LYPD5: variants seen among roughly 807,000 people sequenced by gnomAD.
LYPD5 encodes LY6/PLAUR domain containing 5.
A neutral mutation model predicts 19.1 loss-of-function variants in LYPD5; 21 were observed. The observed-to-expected ratio is 1.10, with a 90% CI of 0.78 to 1.58. LYPD5 has a LOEUF of 1.58. LYPD5 is among the 40% of genes most tolerant of loss of function. LYPD5 has a pLI of 0.00. For missense variants in LYPD5, 287 were observed against 329.8 expected (o/e 0.87, Z 1.00); for synonymous variants, 128 against 142.7 (o/e 0.90, Z 0.74).
At chr19:43,803,279 C>G (rs902808414), upstream of LYPD5, among the ~76,000 whole-genome samples, 2 of 152,154 alleles carry the variant, frequency 1.3e-5, no homozygotes, top group African/African-American at 4.8e-5. Flanking sequence ...AGCAGACAAC[C>G]AGAGGGTCAC....
At chr19:43,798,006 GTC>G (rs1970157149) in intron 4 of LYPD5, among the ~76,000 whole-genome samples, 177 bp from the exon 5 acceptor site, 4 of 151,708 alleles carry the variant, frequency 2.6e-5, no homozygotes, top group Admixed American at 1.3e-4. Context: ...TCAGAACAGG[GTC>G]GTGCCTCCTC....
At position 43,798,635 on chromosome 19, in the gene LYPD5, T is replaced by A. The variant is rs1251907775; in HGVS notation, c.371-34A>T. 4 of 1,609,364 alleles carry A rather than the reference T, an allele frequency of 2.5e-6. No homozygotes were observed. In the African/African-American group the frequency reaches 5.4e-5, roughly 22 times the overall value. The stretch of plus-strand genomic sequence containing the variant: ...AGAGCGTAGATGCACACTCAGGCAG[T>A]GGTACCCTGGCACAGTCGTGCGGGC... On this transcript the variant is annotated intron_variant, in intron 3 of 4. Transcript: ENST00000377950.
At chr19:43,818,774 C>T (rs1241139106) in intron 1 of LYPD5, among the ~76,000 whole-genome samples, 1 of 152,220 alleles carries the variant, frequency 6.6e-6, no homozygotes, top group Non-Finnish European at 1.5e-5. Flanking sequence ...TGAAGTGACA[C>T]ATAAGATGTG....
At position 43,815,760 on chromosome 19, in the gene LYPD5, C is replaced by T. The variant is rs574801622; in HGVS notation, c.-66+4780G>A. 1.1e-3 allele frequency: 471 copies of T among 417,108 alleles called. 3 individuals carry two copies. The highest frequency in any genetic ancestry group is 2.1e-3 in the African/African-American group (98 of 47,338). The allele number at this position is 417,108 out of a possible 1,614,324, so 25.8% of individuals were successfully genotyped here. ...ATTTTATTTTATTTTATTTTTGAGA[C>T]GGAGTTTCACTTTGTCACCCTGGCT... On this transcript the variant is annotated intron_variant, in intron 1 of 4. Coordinates refer to the LYPD5 transcript ENST00000414615.
chr19:43,802,506 A>C, upstream of LYPD5: 51 of 641,964 alleles, frequency 7.9e-5, no homozygotes, highest in East Asian at 1.6e-4. Context: ...CACCCTCCCT[A>C]TGTGGGCGGG....
chr19:43,806,216 G>A (rs1013979356), upstream of LYPD5, among the ~76,000 whole-genome samples: 2 of 152,206 alleles, frequency 1.3e-5, no homozygotes, highest in Non-Finnish European at 2.9e-5. Flanking sequence ...TCTCCTGTCA[G>A]ATCAGTGGCT....
At chr19:43,809,794 T>C (rs751443640) in intron 1 of LYPD5, among the ~76,000 whole-genome samples, 5 of 152,242 alleles carry the variant, frequency 3.3e-5, no homozygotes, top group Non-Finnish European at 5.9e-5. Flanking sequence ...ATACAGACAA[T>C]GTGCTGGCAC....
chr19:43,810,069 A>G (rs1970306821), intron 1 of LYPD5, among the ~76,000 whole-genome samples: 1 of 152,182 alleles, frequency 6.6e-6, no homozygotes, highest in Non-Finnish European at 1.5e-5. Context: ...TAATTTTCAA[A>G]AAGTTGTTTT....
upstream of LYPD5, among the ~76,000 whole-genome samples, chr19:43,803,247 GA>G (rs1213554271): frequency 1.3e-4 from 20 of 152,194 alleles, no homozygotes; most frequent in African/African-American, 4.8e-4. Flanking sequence ...TTAAATGAAT[GA>G]AATCAAGAAG....
chr19:43,820,539 C>T lies in LYPD5; in HGVS notation c.-66+1G>A, dbSNP rs1970410069. 6.6e-6 allele frequency: 1 copy of T among 151,784 alleles called. No homozygotes were observed. The highest frequency in any genetic ancestry group is 1.5e-5 in the Non-Finnish European group (1 of 67,926). The allele number at this position is 151,784 out of a possible 1,614,324, so 9.4% of individuals were successfully genotyped here. A position where few individuals can be genotyped will look rare whatever the true frequency, so the allele number is the denominator to read the frequency against. On this transcript the variant is annotated splice_donor_variant, in intron 1 of 4. Transcript: ENST00000414615. LOFTEE classifies it low-confidence loss of function (5UTR_SPLICE). ...CGCCTCATTGCTTCTCCCACCCTTA[C>T]CCGCACTGCCGACTGGGGCATGAGT... is the stretch of plus-strand genomic sequence containing the variant.
intron 1 of LYPD5, among the ~76,000 whole-genome samples, chr19:43,800,868 C>T (rs149532396): frequency 1.9e-3 from 287 of 150,926 alleles, no homozygotes; most frequent in African/African-American, 6.6e-3. Context: ...GTCTGAGGCA[C>T]GAGAATTGCT....
At chr19:43,799,991 A>G in intron 1 of LYPD5, 157 bp from the exon 2 acceptor site, 1 of 850,192 alleles carries the variant, frequency 1.2e-6, no homozygotes, top group Non-Finnish European at 1.8e-6. Flanking sequence ...GCAGCTGGTC[A>G]CAGCTGTGTC....
At chr19:43,808,999 T>G (rs1203838655) in intron 1 of LYPD5, among the ~76,000 whole-genome samples, 6 of 152,182 alleles carry the variant, frequency 3.9e-5, no homozygotes, top group Non-Finnish European at 4.4e-5. Flanking sequence ...ACACATTCTT[T>G]GTGGATGATT....
intron 1 of LYPD5, among the ~76,000 whole-genome samples, chr19:43,814,777 T>C (rs536290899): frequency 1.3e-5 from 2 of 152,198 alleles, no homozygotes; most frequent in South Asian, 4.2e-4. Context: ...CTGAGCTGTC[T>C]GTGTGTGTAA....
At chr19:43,799,653 C>T (rs1244871211) in intron 2 of LYPD5, 53 bp downstream of exon 2, 43 of 1,556,628 alleles carry the variant, frequency 2.8e-5, no homozygotes, top group East Asian at 1.4e-4. Context: ...TCCCCTCTCC[C>T]CCCTTTTTCC....
chr19:43,805,483 T>C (rs111227979), upstream of LYPD5, among the ~76,000 whole-genome samples: 7 of 152,318 alleles, frequency 4.6e-5, 1 homozygote, highest in African/African-American at 1.7e-4. Flanking sequence ...ATGCAGATTG[T>C]ATGCCAATAT....
upstream of LYPD5, among the ~76,000 whole-genome samples, chr19:43,803,685 T>C (rs1319909438): frequency 6.6e-6 from 1 of 152,228 alleles, no homozygotes; most frequent in Non-Finnish European, 1.5e-5. Context: ...CGGTATTGTT[T>C]TCTATTTCTA....
At chr19:43,799,243 C>T (rs1457274527) in intron 2 of LYPD5, among the ~76,000 whole-genome samples, 1 of 151,892 alleles carries the variant, frequency 6.6e-6, no homozygotes, top group Non-Finnish European at 1.5e-5. Context: ...CCCTCATCCA[C>T]TTTTTCTTTT....
chr19:43,798,511 A>G lies in LYPD5; in HGVS notation c.461T>C (p.Val154Ala), dbSNP rs757266663. 6.2e-7 allele frequency: 1 copy of G among 1,609,660 alleles called. No individual in the cohort carries two copies. The highest frequency in any genetic ancestry group is 8.5e-7 in the Non-Finnish European group (1 of 1,179,946). The change falls in exon 4 of 5, where the codon GTC becomes GCC. Residue 154 changes from valine to alanine, a missense_variant. Physicochemically the swap from Val to Ala is moderately conservative, Grantham distance 64. Coordinates refer to ENST00000377950, the MANE Select transcript of LYPD5 (RefSeq NM_001031749.3). The part of the protein sequence containing the change: ...DDCAIGRSRR[V>A]QCHQDQTACF... ...GGCGGTCTGGTCCTGGTGACACTGG[A>G]CTCGTCGGGACCTGCCGATAGCGCA...
Sources: allele counts gnomAD v4.1 joint callset (sites outside exome capture counted in the v4.1 genomes callset), GRCh38; gene constraint gnomAD v4.1.1; transcripts MANE v1.5; gene names NCBI Gene and HGNC (gene_info 2026-07-23, HGNC 2026-07-21).